Variants in ACKR2 observed in about 807,000 individuals in gnomAD.
The protein encoded by ACKR2 is atypical chemokine receptor 2, also known as C-C chemokine receptor D6.
For synonymous variants in ACKR2, 207 were observed against 192.2 expected (o/e 1.08, Z -0.64); for missense variants, 457 against 477.3 (o/e 0.96, Z 0.40).
intron 2 of ACKR2, among the ~76,000 whole-genome samples, chr3:42,826,086 T>G (rs1436158543): frequency 1.3e-5 from 2 of 152,114 alleles, no homozygotes; most frequent in African/African-American, 4.8e-5. Flanking sequence ...GCCTGGCAAA[T>G]AGCTTAACTA....
chr3:42,851,142 G>A (rs1053164984), intron 2 of ACKR2: 1 of 154,604 alleles, frequency 6.5e-6, no homozygotes, highest in African/African-American at 2.4e-5. Flanking sequence ...TTCCAGAGAG[G>A]GGATACATGC....
At chr3:42,843,564 C>G (rs937126621) in intron 2 of ACKR2, among the ~76,000 whole-genome samples, 1 of 152,116 alleles carries the variant, frequency 6.6e-6, no homozygotes, top group African/African-American at 2.4e-5. Flanking sequence ...GGCCTGGATT[C>G]TCATCCAAAT....
rs532560090 is a variant in ACKR2, at chr3:42,865,029, C to G, written c.527C>G (p.Ser176Cys). ...TIVWAVSLAV[S>C]IPDMVFVQTH... ...GTATGGGCTGTGTCCCTGGCCGTCT[C>G]CATCCCTGATATGGTCTTTGTACAG... is the stretch of plus-strand genomic sequence containing the variant. The change falls in exon 3 of 3, where the codon TCC (serine) becomes TGC (cysteine). Residue 176 changes from serine to cysteine, a missense_variant. Physicochemically the swap from Ser to Cys is moderately radical, Grantham distance 112. Transcript: ENST00000422265. 103 of 1,614,046 alleles carry G rather than the reference C, an allele frequency of 6.4e-5. No homozygotes were observed. The highest frequency in any genetic ancestry group is 8.2e-5 in the Non-Finnish European group (97 of 1,180,046).
At chr3:42,856,317 G>A in intron 2 of ACKR2, 1 of 697,476 alleles carries the variant, frequency 1.4e-6, no homozygotes, top group Non-Finnish European at 2.6e-6. Context: ...GCCCAAGGGT[G>A]GGGCAGAAGC....
At chr3:42,851,918 C>T (rs751730474) in intron 2 of ACKR2, among the ~76,000 whole-genome samples, 1 of 152,188 alleles carries the variant, frequency 6.6e-6, no homozygotes, top group East Asian at 1.9e-4. Flanking sequence ...ATTCTTGGCC[C>T]CCTTCCTTCT....
intron 2 of ACKR2, among the ~76,000 whole-genome samples, chr3:42,847,994 G>A (rs1251849692): frequency 1.3e-5 from 2 of 152,054 alleles, no homozygotes; most frequent in Non-Finnish European, 2.9e-5. Context: ...GACGTGCTAT[G>A]GCTGGGGGGT....
intron 2 of ACKR2, among the ~76,000 whole-genome samples, chr3:42,843,068 A>C (rs1701056892): frequency 9.1e-6 from 1 of 109,506 alleles, no homozygotes; most frequent in Admixed American, 1.1e-4. Flanking sequence ...TTATTTATTT[A>C]TTTATTATTC....
chr3:42,858,380 C>G (rs946560192), intron 2 of ACKR2, among the ~76,000 whole-genome samples: 2 of 152,166 alleles, frequency 1.3e-5, no homozygotes, highest in Non-Finnish European at 1.5e-5. Context: ...CCCAGGCAAA[C>G]AGGTCTGGAG....
intron 2 of ACKR2, among the ~76,000 whole-genome samples, chr3:42,857,935 A>G (rs2088340839): frequency 6.6e-6 from 1 of 152,230 alleles, no homozygotes; most frequent in African/African-American, 2.4e-5. Context: ...AGCCCACCGT[A>G]GCTTGGCAAA....
intron 2 of ACKR2, chr3:42,851,522 G>A: frequency 1.3e-6 from 1 of 795,226 alleles, no homozygotes; most frequent in Non-Finnish European, 1.5e-6. Flanking sequence ...GGGAGAGACT[G>A]AACCCAGTGG....
In ACKR2 at chr3:42,852,035, A is replaced by T. The variant is rs997822534; in HGVS notation, c.-37-12431A>T. 6.6e-6 allele frequency among the ~76,000 whole-genome samples: 1 copy of T among 152,196 alleles called. No homozygotes were observed. Among genetic ancestry groups the T allele is most frequent in the African/African-American group, 2.4e-5 (1 of 41,446 alleles). On this transcript the variant is annotated intron_variant, in intron 2 of 2. Coordinates refer to ENST00000422265, the MANE Select transcript of ACKR2 (RefSeq NM_001296.5). The surrounding 1 kb of genome is among the most constrained non-coding windows in gnomAD (Gnocchi z 4.3). ...GAGTTTATTCATTTTAGGGGCTGGA[A>T]GAGAACCAATAGTATATGCCAGGCC...
intron 1 of ACKR2, among the ~76,000 whole-genome samples, chr3:42,810,077 A>G (rs1175932988): frequency 6.6e-6 from 1 of 152,218 alleles, no homozygotes; most frequent in Non-Finnish European, 1.5e-5. Context: ...AACAGCAGGA[A>G]AGAATAAATA....
intron 2 of ACKR2, among the ~76,000 whole-genome samples, chr3:42,829,024 G>A (rs1431895245): frequency 6.6e-6 from 1 of 152,170 alleles, no homozygotes; most frequent in African/African-American, 2.4e-5. Context: ...TCTGAAATTG[G>A]ACGGAATTAA....
intron 2 of ACKR2, among the ~76,000 whole-genome samples, chr3:42,859,107 A>G (rs2088353019): frequency 2.0e-5 from 3 of 152,200 alleles, no homozygotes; most frequent in Admixed American, 2.0e-4. Context: ...ACTCTTCAGG[A>G]TATTATCCAG....
At chr3:42,854,500 G>T (rs1247570388) in intron 2 of ACKR2, among the ~76,000 whole-genome samples, 1 of 152,100 alleles carries the variant, frequency 6.6e-6, no homozygotes, top group Non-Finnish European at 1.5e-5. Flanking sequence ...GGGGGGGAAG[G>T]GGTCGTCACT....
intron 2 of ACKR2, among the ~76,000 whole-genome samples, chr3:42,863,873 A>G (rs1239116879): frequency 1.3e-5 from 2 of 151,784 alleles, no homozygotes; most frequent in Non-Finnish European, 2.9e-5. Flanking sequence ...ATTGGGGGCT[A>G]GGGGAGGGAT....
intron 2 of ACKR2, among the ~76,000 whole-genome samples, chr3:42,854,377 C>G (rs56970966): frequency 0.029 from 4,446 of 152,256 alleles, 171 homozygotes; most frequent in African/African-American, 0.083. Context: ...ATGACTGGCT[C>G]TCAGCACACC....
intron 1 of ACKR2, among the ~76,000 whole-genome samples, chr3:42,817,820 T>C (rs150944742): frequency 2.0e-5 from 3 of 152,330 alleles, no homozygotes; most frequent in Non-Finnish European, 4.4e-5. Context: ...TCTCAGCCCA[T>C]ATCTTACTTG....
intron 2 of ACKR2, among the ~76,000 whole-genome samples, chr3:42,829,861 G>C (rs1011385799): frequency 1.3e-5 from 2 of 152,158 alleles, no homozygotes; most frequent in African/African-American, 4.8e-5. Context: ...AGGGCACCGG[G>C]GTACATGCGT....
Sources: gnomAD v4.1 joint callset for allele counts (sites outside exome capture counted in the v4.1 genomes callset) on GRCh38, gnomAD v4.1.1 for gene constraint, Gnocchi (gnomAD v3.1) non-coding constraint, MANE v1.5 for transcripts, NCBI Gene and HGNC (gene_info 2026-07-23, HGNC 2026-07-21) for gene names.